KIAA1549L: variants seen among roughly 807,000 people sequenced by gnomAD.
The protein encoded by KIAA1549L is UPF0606 protein KIAA1549L.
Under a neutral mutation model 160.7 loss-of-function variants are expected in KIAA1549L, and 88 were observed. The observed-to-expected ratio is 0.55, with a 90% CI of 0.46 to 0.65. The LOEUF is 0.65. Among genes scored for constraint, KIAA1549L ranks in the 30% least tolerant of loss-of-function variants. The probability of loss-of-function intolerance (pLI) is 0.00; values close to 1 mark genes in which losing one functional copy is unlikely to be tolerated. For missense variants in KIAA1549L, 2,258 were observed against 2,437.5 expected (o/e 0.93, Z 1.55); for synonymous variants, 950 against 976.7 (o/e 0.97, Z 0.51).
rs1590242579 is a variant in KIAA1549L, at chr11:33,435,791, T to TA, written c.238+58903dup. On this transcript the variant is annotated intron_variant, in intron 1 of 20. Transcript: ENST00000658780. ...ATATATATATATATATATATATATA[T>TA]ATATATATATATATATATATGTGTG... Among the ~76,000 whole-genome samples, 5 of 10,832 alleles carry TA rather than the reference T, an allele frequency of 4.6e-4. No individual in the cohort carries two copies. In the East Asian group the frequency reaches 6.5e-3, roughly 14 times the overall value. 7.1% of individuals were successfully genotyped at this position (10,832 alleles called of 152,430 possible).
At chr11:33,378,376 C>T (rs1303054895) in intron 1 of KIAA1549L, among the ~76,000 whole-genome samples, 1 of 152,092 alleles carries the variant, frequency 6.6e-6, no homozygotes, top group Non-Finnish European at 1.5e-5. Context: ...CCCTTCTGAC[C>T]TTTGTACCTT....
chr11:33,572,327 G>C (rs974827054), intron 9 of KIAA1549L, among the ~76,000 whole-genome samples: 1 of 152,180 alleles, frequency 6.6e-6, no homozygotes, highest in African/African-American at 2.4e-5. Context: ...ATGAGCCACT[G>C]TGCCTGGCCA....
At chr11:33,612,397 A>G in intron 15 of KIAA1549L, among the ~76,000 whole-genome samples, 1 of 152,218 alleles carries the variant, frequency 6.6e-6, no homozygotes, top group Non-Finnish European at 1.5e-5. Flanking sequence ...CAGAGGTAGC[A>G]TCAGTGTATT....
intron 16 of KIAA1549L, among the ~76,000 whole-genome samples, chr11:33,620,958 AG>A (rs1850944045): frequency 6.6e-6 from 1 of 152,218 alleles, no homozygotes; most frequent in South Asian, 2.1e-4. Context: ...TTAGCACAGC[AG>A]TGAGCCGGTC....
chr11:33,432,098 G>A (rs929008578), intron 1 of KIAA1549L, among the ~76,000 whole-genome samples: 8 of 152,228 alleles, frequency 5.3e-5, no homozygotes, highest in African/African-American at 1.2e-4. Context: ...AGCTCTGCAC[G>A]CAGTCCCGGT....
intron 1 of KIAA1549L, among the ~76,000 whole-genome samples, chr11:33,435,635 T>C (rs952232447): frequency 3.3e-5 from 5 of 150,642 alleles, no homozygotes; most frequent in Non-Finnish European, 7.4e-5. Context: ...TGGCCAAATA[T>C]AATGTTTATT....
intron 1 of KIAA1549L, among the ~76,000 whole-genome samples, chr11:33,435,646 G>A (rs981452640): frequency 6.7e-6 from 1 of 149,960 alleles, no homozygotes; most frequent in Admixed American, 6.6e-5. Context: ...AATGTTTATT[G>A]AAGATTTACC....
intron 12 of KIAA1549L, among the ~76,000 whole-genome samples, chr11:33,597,408 G>A (rs916776469): frequency 6.6e-6 from 1 of 152,148 alleles, no homozygotes; most frequent in Non-Finnish European, 1.5e-5. Flanking sequence ...GGGAGGAGGA[G>A]GCAGAGGAGC....
At chr11:33,567,207 G>A (rs958844684) in intron 8 of KIAA1549L, among the ~76,000 whole-genome samples, 9 of 152,194 alleles carry the variant, frequency 5.9e-5, no homozygotes, top group South Asian at 2.1e-4. Flanking sequence ...GTGGAAAAAG[G>A]ATGGGCAAGA....
At chr11:33,550,688 T>G (rs1241778419) in intron 4 of KIAA1549L, among the ~76,000 whole-genome samples, 1 of 152,200 alleles carries the variant, frequency 6.6e-6, no homozygotes, top group Non-Finnish European at 1.5e-5. Flanking sequence ...AGAAAGTGAT[T>G]TTCCCCAGCA....
intron 1 of KIAA1549L, among the ~76,000 whole-genome samples, chr11:33,466,337 CATTT>C (rs1852057244): frequency 6.6e-6 from 1 of 152,186 alleles, no homozygotes; most frequent in African/African-American, 2.4e-5. Flanking sequence ...CAAAAAAAGA[CATTT>C]ATGCAGCCAA....
At chr11:33,666,638 A>G (rs749745994) in intron 20 of KIAA1549L, among the ~76,000 whole-genome samples, 5 of 152,210 alleles carry the variant, frequency 3.3e-5, no homozygotes, top group African/African-American at 7.2e-5. Context: ...TCTAAATTCA[A>G]AATTACTTAC....
rs1472511066 is a variant in KIAA1549L, at chr11:33,376,522, C to T, written c.-130C>T. Reference sequence around the variant, plus strand: ...GGCAGGACGAGCGAGCCAGTCGCGCCGCTCGGCGCCCCCTCCCTCCGGCGC... The same window carrying T: ...GGCAGGACGAGCGAGCCAGTCGCGCTGCTCGGCGCCCCCTCCCTCCGGCGC... On this transcript the variant is annotated 5_prime_UTR_variant, in exon 1 of 21. Transcript: ENST00000658780. This position sits in a 1 kb window ranked among gnomAD's most constrained non-coding sequence, Gnocchi z 5.8. 1 of 148,456 alleles carries T rather than the reference C, an allele frequency of 6.7e-6. No individual in the cohort carries two copies. Among genetic ancestry groups the T allele is most frequent in the Non-Finnish European group, 1.5e-5 (1 of 66,672 alleles). 9.2% of individuals were successfully genotyped at this position (148,456 alleles called of 1,614,324 possible). A position where few individuals can be genotyped will look rare whatever the true frequency, so the allele number is the denominator to read the frequency against.
chr11:33,376,296 G>T lies in KIAA1549L; in HGVS notation c.-356G>T, dbSNP rs919111273. On this transcript the variant is annotated 5_prime_UTR_variant, in exon 1 of 21. Transcript: ENST00000658780. This position sits in a 1 kb window ranked among gnomAD's most constrained non-coding sequence, Gnocchi z 5.8. ...CCCGCGGCCGCCACCCCCGTTCCCG[G>T]CAGCCTCGCCCCCTAGTTCTGCAGG... Among the ~76,000 whole-genome samples the T allele has an allele frequency of 2.7e-5, 4 of 148,940 alleles. No individual in the cohort carries two copies. Among genetic ancestry groups the T allele is most frequent in the African/African-American group, 7.3e-5 (3 of 41,074 alleles).
chr11:33,537,414 A>G (rs532295292), intron 1 of KIAA1549L, among the ~76,000 whole-genome samples: 1 of 152,254 alleles, frequency 6.6e-6, no homozygotes, highest in African/African-American at 2.4e-5. Flanking sequence ...TGTCTGGCAT[A>G]CAACAGGCAT....
intron 1 of KIAA1549L, among the ~76,000 whole-genome samples, chr11:33,467,195 T>C (rs1055901816): frequency 1.3e-5 from 2 of 151,946 alleles, no homozygotes; most frequent in Non-Finnish European, 2.9e-5. Context: ...CATGTAAAGA[T>C]GTATAAGAGT....
intron 1 of KIAA1549L, among the ~76,000 whole-genome samples, chr11:33,449,305 C>A (rs1476598888): frequency 6.6e-6 from 1 of 150,874 alleles, no homozygotes; most frequent in Non-Finnish European, 1.5e-5. Flanking sequence ...CACACTTTTT[C>A]TTCTTTGGAG....
intron 1 of KIAA1549L, among the ~76,000 whole-genome samples, chr11:33,471,971 C>A (rs1852187057): frequency 6.6e-6 from 1 of 152,202 alleles, no homozygotes; most frequent in Admixed American, 6.5e-5. Context: ...TGGAGTTGGG[C>A]TTACCGGAGA....
chr11:33,561,633 C>G lies in KIAA1549L; in HGVS notation c.4019-43C>G, dbSNP rs186082844. The G allele has an allele frequency of 5.0e-5, 71 of 1,415,846 alleles. No individual in the cohort carries two copies. The African/African-American group carries it at 8.5e-4, about 17-fold the overall frequency. 87.7% of individuals were successfully genotyped at this position (1,415,846 alleles called of 1,614,324 possible). On this transcript the variant is annotated intron_variant, in intron 7 of 20. Coordinates refer to ENST00000658780, the MANE Select transcript of KIAA1549L (RefSeq NM_012194.3). ...ACTAAATAAATGAAACGAAACAAAT[C>G]AAACCTATAAAAGTAATTGGGTATG...
Sources: gnomAD v4.1 joint callset for allele counts (sites outside exome capture counted in the v4.1 genomes callset) on GRCh38, gnomAD v4.1.1 for gene constraint, Gnocchi (gnomAD v3.1) non-coding constraint, MANE v1.5 for transcripts, NCBI Gene and HGNC (gene_info 2026-07-23, HGNC 2026-07-21) for gene names.